Variants in NPSR1 observed in about 807,000 individuals in gnomAD.
NPSR1 encodes neuropeptide S receptor.
Under a neutral mutation model 46.9 loss-of-function variants are expected in NPSR1, and 48 were observed. The observed-to-expected ratio is 1.02, with a 90% CI of 0.81 to 1.30. The LOEUF (loss-of-function observed/expected upper bound fraction) is 1.30. Ranked by LOEUF, NPSR1 falls within the 50% of genes most tolerant of loss-of-function variation. The pLI, the probability that NPSR1 is intolerant of heterozygous loss-of-function variation, is 0.00. For synonymous variants in NPSR1, 176 were observed against 168.1 expected, an observed-to-expected ratio of 1.05 and a Z score of -0.36; for missense variants, 450 against 449.5, an observed-to-expected ratio of 1.00 and a Z score of -0.01.
Position 34,687,579 on chromosome 7 carries a change from C to T in NPSR1, c.280+2895C>T, listed in dbSNP as rs919750737. 3.3e-5 allele frequency among the ~76,000 whole-genome samples: 5 copies of T among 152,172 alleles called. No individual in the cohort carries two copies. In the South Asian group the frequency reaches 6.2e-4, roughly 19 times the overall value. On this transcript the variant is annotated intron_variant, in intron 2 of 8. Coordinates refer to ENST00000360581, the MANE Select transcript of NPSR1 (RefSeq NM_207172.2). ...AAAACATCAGATCTTGTGAGACTCACTCATTATCACAACAACAGCATAGGG... is the reference window on the plus strand; with the variant it reads ...AAAACATCAGATCTTGTGAGACTCATTCATTATCACAACAACAGCATAGGG...
At chr7:34,809,640 T>C (rs892242936) in intron 3 of NPSR1, among the ~76,000 whole-genome samples, 15 of 152,020 alleles carry the variant, frequency 9.9e-5, no homozygotes, top group Non-Finnish European at 1.8e-4. Context: ...ATTTTTTGTA[T>C]TTTTAGTAGA....
At chr7:34,785,420 T>C (rs1355568599) in intron 3 of NPSR1, among the ~76,000 whole-genome samples, 3 of 147,624 alleles carry the variant, frequency 2.0e-5, no homozygotes, top group African/African-American at 7.4e-5. Context: ...TTAGGAGATA[T>C]ACCTAATGCT....
At chr7:34,803,756 GA>G (rs77357385) in intron 3 of NPSR1, among the ~76,000 whole-genome samples, 39,935 of 137,036 alleles carry the variant, frequency 0.29, 5,493 homozygotes, top group Middle Eastern at 0.31. Flanking sequence ...AGCATGAGTA[GA>G]AAAAAAAAAA....
chr7:34,708,793 T>G (rs1794234512), intron 2 of NPSR1, among the ~76,000 whole-genome samples: 1 of 152,194 alleles, frequency 6.6e-6, no homozygotes, highest in Non-Finnish European at 1.5e-5. Flanking sequence ...CCCATTCAAC[T>G]CAGGGGATTG....
intron 8 of NPSR1, among the ~76,000 whole-genome samples, chr7:34,867,826 C>G (rs1791351010): frequency 6.6e-6 from 1 of 151,826 alleles, no homozygotes; most frequent in Non-Finnish European, 1.5e-5. Context: ...TAGTTTGGCA[C>G]TCAGTTCCAA....
intron 2 of NPSR1, among the ~76,000 whole-genome samples, chr7:34,697,057 G>C (rs985008380): frequency 2.0e-5 from 3 of 151,902 alleles, no homozygotes; most frequent in Non-Finnish European, 4.4e-5. Flanking sequence ...TTTGAGGCTG[G>C]GGGTGGGTTG....
intron 2 of NPSR1, among the ~76,000 whole-genome samples, chr7:34,776,087 G>C (rs1786943620): frequency 6.6e-6 from 1 of 152,072 alleles, no homozygotes; most frequent in Non-Finnish European, 1.5e-5. Context: ...TATGGTCAGA[G>C]ATGATGCTTC....
intron 8 of NPSR1, among the ~76,000 whole-genome samples, chr7:34,874,788 T>A (rs368744955): frequency 2.6e-4 from 39 of 151,872 alleles, no homozygotes; most frequent in African/African-American, 9.2e-4. Flanking sequence ...CCAGGTCCCA[T>A]GTGAGTACCA....
chr7:34,667,900 T>A (rs74841003), intron 1 of NPSR1, among the ~76,000 whole-genome samples: 2,261 of 152,160 alleles, frequency 0.015, 24 homozygotes, highest in Middle Eastern at 0.034. Context: ...ATAAACTGAT[T>A]CCAAGTATTA....
intron 3 of NPSR1, among the ~76,000 whole-genome samples, chr7:34,790,924 G>A (rs1311444458): frequency 1.6e-5 from 2 of 124,490 alleles, no homozygotes; most frequent in Non-Finnish European, 3.1e-5. Flanking sequence ...TATCATATAT[G>A]TTATATGTTA....
intron 8 of NPSR1, among the ~76,000 whole-genome samples, chr7:34,861,682 G>A (rs1791195008): frequency 6.6e-6 from 1 of 151,936 alleles, no homozygotes; most frequent in East Asian, 1.9e-4. Context: ...ACATGGAGGG[G>A]CAGAGGAGAA....
intron 2 of NPSR1, among the ~76,000 whole-genome samples, chr7:34,757,148 C>G (rs324964): frequency 0.33 from 50,371 of 152,014 alleles, 8,466 homozygotes; most frequent in African/African-American, 0.39. Flanking sequence ...ATTGCACTTA[C>G]AGTGAAAATT....
chr7:34,851,063 A>G (rs532971385), downstream of NPSR1, among the ~76,000 whole-genome samples: 13 of 152,294 alleles, frequency 8.5e-5, no homozygotes, highest in South Asian at 2.3e-3. Context: ...ATTTGATCAT[A>G]TATACATCCC....
chr7:34,687,284 T>A lies in NPSR1; in HGVS notation c.280+2600T>A, dbSNP rs554458861. Among the ~76,000 whole-genome samples the A allele has an allele frequency of 4.6e-4, 70 of 152,224 alleles. 1 individual carries two copies. In the East Asian group the frequency reaches 0.013, roughly 29 times the overall value. ...TACATATGTCATGGCTAAAAATAAA[T>A]TATTCTAAATTGTATAAAACCATAA... On this transcript the variant is annotated intron_variant, in intron 2 of 8. Transcript: ENST00000360581.
At chr7:34,812,910 G>A (rs1789062437) in intron 4 of NPSR1, among the ~76,000 whole-genome samples, 1 of 152,192 alleles carries the variant, frequency 6.6e-6, no homozygotes, top group Admixed American at 6.5e-5. Flanking sequence ...ATCTAGGGAA[G>A]CAAATTTAAT....
downstream of NPSR1, among the ~76,000 whole-genome samples, chr7:34,852,509 T>C (rs912277649): frequency 1.5e-4 from 23 of 152,012 alleles, no homozygotes; most frequent in African/African-American, 5.6e-4. Flanking sequence ...GAGGAATCTC[T>C]GAGATTGTGT....
At chr7:34,840,298 C>T (rs1021326599) in intron 6 of NPSR1, among the ~76,000 whole-genome samples, 8 of 152,046 alleles carry the variant, frequency 5.3e-5, no homozygotes, top group South Asian at 4.1e-4. Context: ...TCAGGCACAA[C>T]GAGTGCCTTA....
chr7:34,793,452 G>A lies in NPSR1; in HGVS notation c.384+14887G>A, dbSNP rs35476411. Reference sequence around the variant, plus strand: ...TATACAAAAGAAGACATACAAATGGGCAACATGTATACGAAAATATGCTTA... The same window carrying A: ...TATACAAAAGAAGACATACAAATGGACAACATGTATACGAAAATATGCTTA... On this transcript the variant is annotated intron_variant, in intron 3 of 8. Coordinates refer to ENST00000360581, the MANE Select transcript of NPSR1 (RefSeq NM_207172.2). 3.5e-3 allele frequency among the ~76,000 whole-genome samples: 535 copies of A among 152,072 alleles called. 1 individual carries two copies. Among genetic ancestry groups the A allele is most frequent in the Non-Finnish European group, 5.7e-3 (386 of 67,952 alleles).
chr7:34,695,291 A>G (rs1357379094), intron 2 of NPSR1, among the ~76,000 whole-genome samples: 1 of 152,176 alleles, frequency 6.6e-6, no homozygotes, highest in Non-Finnish European at 1.5e-5. Context: ...CCTACCTATG[A>G]CAATATACAA....
Sources: allele counts gnomAD v4.1 joint callset (sites outside exome capture counted in the v4.1 genomes callset), GRCh38; gene constraint gnomAD v4.1.1; transcripts MANE v1.5; gene names NCBI Gene and HGNC (gene_info 2026-07-23, HGNC 2026-07-21).